Variants in DDR2 observed in about 807,000 individuals in gnomAD.
The protein encoded by DDR2 is discoidin domain receptor tyrosine kinase 2.
A neutral mutation model predicts 94.9 loss-of-function variants in DDR2; 27 were observed. The ratio of observed to expected loss-of-function variants is 0.28; its 90% CI spans 0.21 to 0.39. The LOEUF (loss-of-function observed/expected upper bound fraction) is 0.39. Among genes scored for constraint, DDR2 ranks in the 10% least tolerant of loss-of-function variants. The pLI is 1.00. For missense variants in DDR2, 783 were observed against 1,076.0 expected, an observed-to-expected ratio of 0.73 and a Z score of 3.81; for synonymous variants, 382 against 377.2, an observed-to-expected ratio of 1.01 and a Z score of -0.15.
chr1:162,776,768 T>C (rs1647584331), intron 16 of DDR2, among the ~76,000 whole-genome samples: 1 of 152,216 alleles, frequency 6.6e-6, no homozygotes, highest in Admixed American at 6.5e-5. Flanking sequence ...ATTCCTATAA[T>C]TGTATTTCAA....
chr1:162,730,827 G>A lies in DDR2; in HGVS notation c.82+11682G>A, dbSNP rs79284255. Among the ~76,000 whole-genome samples the A allele has an allele frequency of 3.7e-3, 568 of 152,272 alleles. 7 individuals carry two copies. Among genetic ancestry groups the A allele is most frequent in the East Asian group, 0.034 (177 of 5,176 alleles). ...TACATTCCCCCTCCACACAGCCCCA[G>A]CATTTGGCACATGTGCTGAGTGAGA... On this transcript the variant is annotated intron_variant, in intron 3 of 17. Coordinates refer to ENST00000367921, the MANE Select transcript of DDR2 (RefSeq NM_006182.4).
At chr1:162,706,278 A>G (rs1410792215) in intron 2 of DDR2, among the ~76,000 whole-genome samples, 1 of 152,202 alleles carries the variant, frequency 6.6e-6, no homozygotes, top group Non-Finnish European at 1.5e-5. Flanking sequence ...TGTGCTCTGC[A>G]TAAGAATGTA....
chr1:162,661,482 A>G lies in DDR2; in HGVS notation c.-28+6108A>G, dbSNP rs1658293077. 1.3e-5 allele frequency among the ~76,000 whole-genome samples: 2 copies of G among 152,178 alleles called. 1 individual carries two copies. The highest frequency in any genetic ancestry group is 4.1e-4 in the South Asian group (2 of 4,826). On this transcript the variant is annotated intron_variant, in intron 2 of 17. Transcript: ENST00000367921. ...TCTTTTAATTCCCTTGGAGAATCCC[A>G]CCACCTGTCTCTTATTTGGGTTTTT... is the stretch of plus-strand genomic sequence containing the variant.
Position 162,719,091 on chromosome 1 carries a change from G to T in DDR2, c.28G>T (p.Val10Leu). The T allele has an allele frequency of 1.2e-6, 2 of 1,613,810 alleles. No individual in the cohort carries two copies. Among genetic ancestry groups the T allele is most frequent in the African/African-American group, 1.3e-5 (1 of 74,976 alleles). The stretch of plus-strand genomic sequence containing the variant: ...GATCCTGATTCCCAGAATGCTCTTG[G>T]TGCTGTTCCTGCTGCTGCCTATCTT... MILIPRMLLVLFLLLPILSS... is the reference protein window; with the variant it reads MILIPRMLLLLFLLLPILSS... Residue 10 changes from valine (V) to leucine (L), a missense_variant, in exon 3 of 18, where the codon GTG (valine) becomes TTG (leucine). Val to Leu is a conservative substitution (Grantham distance 32). This residue lies in a region of DDR2 where 519 missense variants were observed against 647.9 expected (regional missense o/e 0.80). Coordinates refer to ENST00000367921, the MANE Select transcript of DDR2 (RefSeq NM_006182.4).
At chr1:162,735,274 T>C (rs1210722601) in intron 3 of DDR2, among the ~76,000 whole-genome samples, 8 of 152,160 alleles carry the variant, frequency 5.3e-5, no homozygotes, top group Admixed American at 4.6e-4. Flanking sequence ...CTAAACCCTC[T>C]GTATGCTGGA....
rs538762200 is a variant in DDR2, at chr1:162,764,524, G to T, written c.1100-1477G>T. Among the ~76,000 whole-genome samples, 20 of 152,052 alleles carry T rather than the reference G, an allele frequency of 1.3e-4. No homozygotes were observed. The East Asian group carries it at 3.7e-3, about 28-fold the overall frequency. On this transcript the variant is annotated intron_variant, in intron 9 of 17. Transcript: ENST00000367921. ...GACTTGTACTGGGCCTGGAAGAAAA[G>T]TCCAGGTGTAAAATAACATAAAAGA...
chr1:162,760,478 ATAC>A (rs1251641477), intron 8 of DDR2, among the ~76,000 whole-genome samples: 3 of 141,564 alleles, frequency 2.1e-5, no homozygotes, highest in African/African-American at 7.6e-5. Context: ...ATATATACAT[ATAC>A]AACTATATAT....
chr1:162,777,603 A>G (rs1262180022), intron 16 of DDR2: 1 of 152,224 alleles, frequency 6.6e-6, no homozygotes, highest in Non-Finnish European at 1.5e-5. Flanking sequence ...GTTCAAAACA[A>G]TATATTAGAC....
At chr1:162,772,003 T>C in intron 12 of DDR2, 21 bp from the exon 13 acceptor site, 2 of 1,579,888 alleles carry the variant, frequency 1.3e-6, no homozygotes, top group Admixed American at 3.6e-5. Flanking sequence ...GAATGAGGGC[T>C]CGTTGCCCTT....
chr1:162,769,417 T>C (rs1487861538), intron 11 of DDR2, among the ~76,000 whole-genome samples: 1 of 152,228 alleles, frequency 6.6e-6, no homozygotes, highest in South Asian at 2.1e-4. Context: ...ATTTTGGTGG[T>C]GTCCTCAACA....
chr1:162,724,496 C>T (rs1242827334), intron 3 of DDR2, among the ~76,000 whole-genome samples: 2 of 152,162 alleles, frequency 1.3e-5, no homozygotes, highest in African/African-American at 2.4e-5. Flanking sequence ...AACTGAAGCA[C>T]CAGGGATGCT....
intron 11 of DDR2, among the ~76,000 whole-genome samples, chr1:162,769,145 T>C (rs1664141505): frequency 1.3e-5 from 2 of 152,224 alleles, no homozygotes; most frequent in Non-Finnish European, 2.9e-5. Flanking sequence ...TGTTGGAATA[T>C]CTTCATGGGC....
At chr1:162,762,935 C>T (rs558000104) in intron 9 of DDR2, among the ~76,000 whole-genome samples, 6 of 152,126 alleles carry the variant, frequency 3.9e-5, no homozygotes, top group Admixed American at 6.5e-5. Context: ...CTCCCGGGAT[C>T]GAGTGATTCT....
At chr1:162,702,259 T>G (rs1349835655) in intron 2 of DDR2, among the ~76,000 whole-genome samples, 1 of 152,212 alleles carries the variant, frequency 6.6e-6, no homozygotes. Context: ...CTTCTTGGAT[T>G]ATTTCTTTCA....
chr1:162,763,247 A>G (rs1663830624), intron 9 of DDR2, among the ~76,000 whole-genome samples: 1 of 136,654 alleles, frequency 7.3e-6, no homozygotes, highest in East Asian at 2.2e-4. Flanking sequence ...ATCTTGAGTC[A>G]TTGCAACCTC....
At chr1:162,671,912 C>T (rs1445891956) in intron 2 of DDR2, among the ~76,000 whole-genome samples, 2 of 152,226 alleles carry the variant, frequency 1.3e-5, no homozygotes. Flanking sequence ...CCTACCCTGT[C>T]TATTCCCATG....
At chr1:162,685,634 G>A (rs1659651619) in intron 2 of DDR2, among the ~76,000 whole-genome samples, 1 of 151,978 alleles carries the variant, frequency 6.6e-6, no homozygotes, top group Admixed American at 6.6e-5. Context: ...GTCCTTTCTG[G>A]CTGTAATATC....
rs1277482972 is a variant in DDR2 at position 162,761,342 on chromosome 1, C to T, written c.987C>T (p.Pro329=). The T allele has an allele frequency of 6.2e-7, 1 of 1,614,080 alleles. No homozygotes were observed. Among genetic ancestry groups the T allele is most frequent in the Non-Finnish European group, 8.5e-7 (1 of 1,180,044 alleles). Residue 329 remains proline (P), a synonymous_variant, in exon 9 of 18, where the codon CCC becomes CCT. Coordinates refer to ENST00000367921, the MANE Select transcript of DDR2 (RefSeq NM_006182.4). The stretch of plus-strand genomic sequence containing the variant: ...CCCTTGTCCTGGATGACGTCAACCC[C>T]AGTGCTCGGTTTGTCACGGTGCCTC... ...SFPLVLDDVN[P]SARFVTVPLH... is the part of the protein sequence containing the mutation.
chr1:162,753,060 G>T (rs369904717), intron 3 of DDR2, 35 bp from the exon 4 acceptor site: 18 of 1,565,214 alleles, frequency 1.2e-5, no homozygotes, highest in Non-Finnish European at 1.5e-5. Flanking sequence ...ATAAAACCAT[G>T]TCCTCTCTTT....
Sources: gnomAD v4.1 joint callset for allele counts (sites outside exome capture counted in the v4.1 genomes callset) on GRCh38, gnomAD v4.1.1 for gene constraint, gnomAD v4.1.1 regional missense constraint, MANE v1.5 for transcripts, NCBI Gene and HGNC (gene_info 2026-07-23, HGNC 2026-07-21) for gene names.